LRMDA: variants seen among roughly 807,000 people sequenced by gnomAD.
LRMDA encodes leucine rich melanocyte differentiation associated.
In LRMDA, 18 loss-of-function variants were observed where a neutral mutation model predicts 29.8. The ratio of observed to expected loss-of-function variants is 0.60; its 90% confidence interval spans 0.42 to 0.90. LRMDA has a LOEUF of 0.90. Among genes scored for constraint, LRMDA ranks in the 40% least tolerant of loss-of-function variants. The pLI, the probability that LRMDA is intolerant of heterozygous loss-of-function variation, is 0.00. For missense variants in LRMDA, 273 were observed against 273.9 expected, an observed-to-expected ratio of 1.00 and a Z score of 0.02; for synonymous variants, 125 against 109.4, an observed-to-expected ratio of 1.14 and a Z score of -0.89.
At chr10:75,532,348 A>G (rs1845486946) in intron 2 of LRMDA, among the ~76,000 whole-genome samples, 1 of 152,090 alleles carries the variant, frequency 6.6e-6, no homozygotes, top group Non-Finnish European at 1.5e-5. Context: ...CAAATTCTGG[A>G]ATTTTTGATC....
intron 6 of LRMDA, among the ~76,000 whole-genome samples, chr10:76,350,844 G>A (rs910034387): frequency 6.6e-6 from 1 of 152,094 alleles, no homozygotes; most frequent in African/African-American, 2.4e-5. Context: ...CTTGGAAGAA[G>A]ATAAACTCTC....
chr10:75,716,362 T>C (rs1009788756), intron 2 of LRMDA, among the ~76,000 whole-genome samples: 1 of 152,218 alleles, frequency 6.6e-6, no homozygotes, highest in Non-Finnish European at 1.5e-5. Flanking sequence ...TTTGGACTTC[T>C]TATGTTGCTA....
In LRMDA at chr10:75,558,980, T is replaced by C. The variant is rs1233149031; in HGVS notation, c.131+120486T>C. Among the ~76,000 whole-genome samples, 753 of 149,784 alleles carry C rather than the reference T, an allele frequency of 5.0e-3. 8 individuals are homozygous for C. Among genetic ancestry groups the C allele is most frequent in the African/African-American group, 0.017 (693 of 40,586 alleles). ...AAGTCTTTGCTATTGTGAATAGTGC[T>C]GCAATAAACATACGTGTGCATGTGT... On this transcript the variant is annotated intron_variant, in intron 2 of 6. Coordinates refer to ENST00000611255, the MANE Select transcript of LRMDA (RefSeq NM_001305581.2).
intron 2 of LRMDA, among the ~76,000 whole-genome samples, chr10:75,485,638 A>T (rs1353856545): frequency 2.6e-5 from 4 of 151,908 alleles, no homozygotes; most frequent in East Asian, 3.9e-4. Flanking sequence ...GCTGGAGTGC[A>T]GCGATCTCAG....
intron 6 of LRMDA, among the ~76,000 whole-genome samples, chr10:76,369,033 G>T (rs573637185): frequency 6.6e-6 from 1 of 152,274 alleles, no homozygotes; most frequent in South Asian, 2.1e-4. Context: ...CAGATAGTTG[G>T]TTGCTGGGTT....
intron 6 of LRMDA, among the ~76,000 whole-genome samples, chr10:76,506,636 T>C (rs908867609): frequency 6.6e-6 from 1 of 152,080 alleles, no homozygotes; most frequent in Non-Finnish European, 1.5e-5. Flanking sequence ...CCCCTCTACT[T>C]TTCTCAACCT....
intron 6 of LRMDA, among the ~76,000 whole-genome samples, chr10:76,343,148 G>A (rs919781265): frequency 6.6e-6 from 1 of 152,188 alleles, no homozygotes. Context: ...GCATAACATG[G>A]AGCTGATCCC....
At chr10:75,788,041 A>AAAAACG (rs1431950607) in intron 2 of LRMDA, among the ~76,000 whole-genome samples, 1 of 152,006 alleles carries the variant, frequency 6.6e-6, no homozygotes, top group Admixed American at 6.6e-5. Context: ...AAACAAAAAC[A>AAAAACG]AAAACAAAAA....
At chr10:75,591,957 G>A (rs901423588) in intron 2 of LRMDA, among the ~76,000 whole-genome samples, 13 of 152,054 alleles carry the variant, frequency 8.5e-5, no homozygotes, top group African/African-American at 2.7e-4. Flanking sequence ...GAAGTGCAGT[G>A]TCAGGAGATG....
intron 5 of LRMDA, among the ~76,000 whole-genome samples, chr10:76,096,056 C>T (rs1342982738): frequency 3.3e-5 from 5 of 151,916 alleles, no homozygotes; most frequent in East Asian, 1.9e-4. Context: ...TACTTTATCC[C>T]GGTCTGTATC....
chr10:75,752,651 C>T (rs1201202932), intron 2 of LRMDA, among the ~76,000 whole-genome samples: 1 of 151,964 alleles, frequency 6.6e-6, no homozygotes, highest in Non-Finnish European at 1.5e-5. Context: ...TAAATGAGAC[C>T]CAGAGATGTT....
At chr10:75,849,368 T>C (rs1429571212) in intron 2 of LRMDA, among the ~76,000 whole-genome samples, 1 of 121,198 alleles carries the variant, frequency 8.3e-6, no homozygotes, top group Non-Finnish European at 1.8e-5. Flanking sequence ...TGTCCATCAA[T>C]GATAGACTGG....
chr10:75,807,477 T>G (rs531056393), intron 2 of LRMDA, among the ~76,000 whole-genome samples: 1 of 152,358 alleles, frequency 6.6e-6, no homozygotes, highest in Non-Finnish European at 1.5e-5. Context: ...ATTATTATTT[T>G]TCTGTTCTTT....
chr10:75,943,807 C>A (rs183942706), intron 2 of LRMDA, among the ~76,000 whole-genome samples: 6 of 152,270 alleles, frequency 3.9e-5, no homozygotes, highest in Admixed American at 1.3e-4. Context: ...TAGCTCAATT[C>A]AACACTTATT....
At chr10:76,425,538 A>T (rs908837329) in intron 6 of LRMDA, among the ~76,000 whole-genome samples, 1 of 151,770 alleles carries the variant, frequency 6.6e-6, no homozygotes, top group African/African-American at 2.4e-5. Context: ...TGTAGGCAGT[A>T]CTTGGCATGC....
At chr10:75,990,866 G>A (rs2132459037) in intron 2 of LRMDA, among the ~76,000 whole-genome samples, 1 of 152,288 alleles carries the variant, frequency 6.6e-6, no homozygotes, top group Non-Finnish European at 1.5e-5. Flanking sequence ...GGACTTGCAG[G>A]AAGGGAAGCC....
intron 5 of LRMDA, among the ~76,000 whole-genome samples, chr10:76,230,211 A>T (rs1852032806): frequency 6.6e-6 from 1 of 152,134 alleles, no homozygotes; most frequent in Non-Finnish European, 1.5e-5. Context: ...TCCCTTTCAA[A>T]ACAGATTAAA....
chr10:75,747,379 G>A (rs558661294), intron 2 of LRMDA, among the ~76,000 whole-genome samples: 295 of 152,224 alleles, frequency 1.9e-3, no homozygotes, highest in Middle Eastern at 3.4e-3. Flanking sequence ...CTCTGCATTG[G>A]AAACACTCAG....
At chr10:75,783,957 A>C (rs1001610008) in intron 2 of LRMDA, among the ~76,000 whole-genome samples, 1 of 152,234 alleles carries the variant, frequency 6.6e-6, no homozygotes, top group Non-Finnish European at 1.5e-5. Context: ...TTATGTCAAA[A>C]ACATATTTCA....
Sources: allele counts gnomAD v4.1 joint callset (sites outside exome capture counted in the v4.1 genomes callset), GRCh38; gene constraint gnomAD v4.1.1; transcripts MANE v1.5; gene names NCBI Gene and HGNC (gene_info 2026-07-23, HGNC 2026-07-21).